SCUBE1: variants seen among roughly 807,000 people sequenced by gnomAD.
SCUBE1 encodes signal peptide, CUB and EGF-like domain-containing protein 1.
A neutral mutation model predicts 124.4 loss-of-function variants in SCUBE1; 59 were observed. The observed-to-expected ratio is 0.47, with a 90% confidence interval of 0.38 to 0.59. SCUBE1 has a LOEUF of 0.59. SCUBE1 is among the 20% of genes least tolerant of loss of function. The probability of loss-of-function intolerance (pLI) is 0.00; values close to 1 mark genes in which losing one functional copy is unlikely to be tolerated. For missense variants in SCUBE1, 1,150 were observed against 1,371.2 expected (o/e 0.84, Z 2.55); for synonymous variants, 545 against 550.9 (o/e 0.99, Z 0.15).
chr22:43,300,800 TG>T (rs974782002), intron 3 of SCUBE1, among the ~76,000 whole-genome samples: 3 of 152,086 alleles, frequency 2.0e-5, no homozygotes, highest in African/African-American at 7.2e-5. Context: ...ATTTTGTTCC[TG>T]GGAGATTTCG....
At chr22:43,219,510 C>T (rs562315625) in intron 14 of SCUBE1, among the ~76,000 whole-genome samples, 7 of 149,984 alleles carry the variant, frequency 4.7e-5, no homozygotes, top group South Asian at 2.1e-4. Context: ...GAGTCTCACT[C>T]GTCGCCAGGC....
rs139503187 is a variant in SCUBE1, at chr22:43,256,410, C to T, written c.727+1809G>A. 2.7e-3 allele frequency among the ~76,000 whole-genome samples: 408 copies of T among 152,218 alleles called. 1 individual carries two copies. Among genetic ancestry groups the T allele is most frequent in the African/African-American group, 9.3e-3 (387 of 41,512 alleles). On this transcript the variant is annotated intron_variant, in intron 6 of 21. Coordinates refer to ENST00000360835, the MANE Select transcript of SCUBE1 (RefSeq NM_173050.5). ...CTTTCTTTGCTCAGAGGGAAATATG[C>T]GGAGACATTCGTTCCCAAGGGGGAC... is the stretch of plus-strand genomic sequence containing the variant.
rs939757611 is a variant in SCUBE1 at position 43,199,465 on chromosome 22, A to C, written c.*4532T>G. 2 of 151,302 alleles carry C rather than the reference A, an allele frequency of 1.3e-5. No homozygotes were observed. The highest frequency in any genetic ancestry group is 2.9e-5 in the Non-Finnish European group (2 of 68,062). 9.4% of individuals were successfully genotyped at this position (151,302 alleles called of 1,614,324 possible). On this transcript the variant is annotated 3_prime_UTR_variant, in exon 22 of 22. Coordinates refer to ENST00000360835, the MANE Select transcript of SCUBE1 (RefSeq NM_173050.5). ...AATGGCTTCTCTCCCAAGGCCTTCAAATTTGGCCTCTTGTGCCATCCTTGT... is the reference window on the plus strand; with the variant it reads ...AATGGCTTCTCTCCCAAGGCCTTCACATTTGGCCTCTTGTGCCATCCTTGT...
rs746449536 is a variant in SCUBE1 at position 43,222,700 on chromosome 22, G to T, written c.1370C>A (p.Pro457Gln). The change falls in exon 12 of 22, where the codon CCG (proline) becomes CAG (glutamine). Residue 457 changes from proline to glutamine, a missense_variant. Physicochemically the swap from Pro to Gln is moderately conservative, Grantham distance 76. Transcript: ENST00000360835. ...GCGTTTCTGCAGCGCCTTGCCCTGC[G>T]GCCCTGGAACTCCGCAGCTCAGGAC... is the stretch of plus-strand genomic sequence containing the variant. Reference protein sequence around the residue: ...SYVLSCGVPGPQGKALQKRNG... With the variant: ...SYVLSCGVPGQQGKALQKRNG... 1 of 1,606,946 alleles carries T rather than the reference G, an allele frequency of 6.2e-7. No individual in the cohort carries two copies. The highest frequency in any genetic ancestry group is 2.2e-5 in the East Asian group (1 of 44,670).
rs5759272 is a variant in SCUBE1, at chr22:43,305,127, G to C, written c.350-13947C>G. ...CGTGATTCTGCATCAACAGTGAAGA[G>C]AGTCCTGCCGGAATACGGAGGAGAA... On this transcript the variant is annotated intron_variant, in intron 3 of 21. Transcript: ENST00000360835. 0.024 allele frequency among the ~76,000 whole-genome samples: 3,633 copies of C among 152,206 alleles called. 278 individuals are homozygous for C. The East Asian group carries it at 0.29, about 12-fold the overall frequency.
intron 3 of SCUBE1, among the ~76,000 whole-genome samples, chr22:43,315,533 A>G (rs1926314262): frequency 6.6e-6 from 1 of 152,174 alleles, no homozygotes; most frequent in Non-Finnish European, 1.5e-5. Flanking sequence ...TTGAGGTCAC[A>G]TGGTCAGGAT....
At chr22:43,271,160 C>T (rs564262952) in intron 4 of SCUBE1, among the ~76,000 whole-genome samples, 171 of 152,168 alleles carry the variant, frequency 1.1e-3, no homozygotes, top group African/African-American at 4.0e-3. Flanking sequence ...TTGTTTCCAC[C>T]CTCTCCACAA....
intron 6 of SCUBE1, among the ~76,000 whole-genome samples, chr22:43,241,438 T>C (rs948664425): frequency 1.3e-5 from 2 of 152,044 alleles, no homozygotes; most frequent in Non-Finnish European, 2.9e-5. Flanking sequence ...GCAGCCTCAA[T>C]GGCAGAGCTG....
chr22:43,319,122 T>C (rs1458466876), intron 3 of SCUBE1, among the ~76,000 whole-genome samples: 2 of 152,192 alleles, frequency 1.3e-5, no homozygotes, highest in Non-Finnish European at 2.9e-5. Flanking sequence ...CAAAATTCCT[T>C]TGTTGAAGGA....
At chr22:43,271,395 A>G (rs549392034) in intron 4 of SCUBE1, among the ~76,000 whole-genome samples, 9 of 152,332 alleles carry the variant, frequency 5.9e-5, no homozygotes, top group African/African-American at 2.2e-4. Context: ...ACCGTCTGAT[A>G]AACACAAGCT....
chr22:43,336,957 C>G (rs9623814), intron 2 of SCUBE1, among the ~76,000 whole-genome samples: 1,952 of 150,406 alleles, frequency 0.013, 40 homozygotes, highest in African/African-American at 0.046. Flanking sequence ...GTGTGTATGT[C>G]TGTGTGTGTG....
rs1266722916 is a variant in SCUBE1 at position 43,218,468 on chromosome 22, C to T, written c.1688-10G>A. ...TCCGCTTCGCATGTGTCTGCAGGGG[C>T]AGGAGAGACAGAACATGAATCGCTG... On this transcript the variant is annotated splice_polypyrimidine_tract_variant and intron_variant, in intron 14 of 21. Transcript: ENST00000360835. The T allele has an allele frequency of 1.2e-6, 2 of 1,607,150 alleles. No homozygotes were observed.
intron 2 of SCUBE1, among the ~76,000 whole-genome samples, chr22:43,331,154 A>G (rs1405573735): frequency 6.6e-6 from 1 of 152,192 alleles, no homozygotes; most frequent in Non-Finnish European, 1.5e-5. Context: ...GTTACTAGGA[A>G]TTTTGTTAAA....
chr22:43,331,784 G>T (rs912566238), intron 2 of SCUBE1, among the ~76,000 whole-genome samples: 3 of 152,188 alleles, frequency 2.0e-5, no homozygotes, highest in African/African-American at 4.8e-5. Context: ...GCACAAACAG[G>T]CCTGGTTAAT....
chr22:43,318,564 C>T (rs1291179320), intron 3 of SCUBE1, among the ~76,000 whole-genome samples: 1 of 152,146 alleles, frequency 6.6e-6, no homozygotes, highest in Non-Finnish European at 1.5e-5. Flanking sequence ...CAGCAAAGGG[C>T]AAATGCATGC....
chr22:43,214,049 C>CCCCCCCCCCCCCCCCCCCCCCCCTCCTCT, intron 16 of SCUBE1, 41 bp downstream of exon 16: 1 of 261,134 alleles, frequency 3.8e-6, no homozygotes, highest in South Asian at 3.0e-5. Context: ...GAGCCCCCGC[C>CCCCCCCCCCCCCCCCCCCCCCCCTCCTCT]CACCCCCCAC....
At chr22:43,335,183 C>T (rs1030274713) in intron 2 of SCUBE1, among the ~76,000 whole-genome samples, 2 of 152,214 alleles carry the variant, frequency 1.3e-5, no homozygotes, top group Non-Finnish European at 2.9e-5. Flanking sequence ...CTCCCTCAGG[C>T]CACTGCTGCA....
At chr22:43,254,443 C>T (rs1401909179) in intron 6 of SCUBE1, among the ~76,000 whole-genome samples, 2 of 152,192 alleles carry the variant, frequency 1.3e-5, no homozygotes, top group African/African-American at 2.4e-5. Flanking sequence ...CGCATGAGGG[C>T]CACGAAACAA....
At chr22:43,222,864 T>A in intron 11 of SCUBE1, 122 bp from the exon 12 acceptor site, 1 of 964,062 alleles carries the variant, frequency 1.0e-6, no homozygotes, top group African/African-American at 1.6e-5. Flanking sequence ...TTCTGCCAGT[T>A]TCTGCTACAC....
Sources: allele counts gnomAD v4.1 joint callset (sites outside exome capture counted in the v4.1 genomes callset), GRCh38; gene constraint gnomAD v4.1.1; transcripts MANE v1.5; gene names NCBI Gene and HGNC (gene_info 2026-07-23, HGNC 2026-07-21).